The following LRRC46 variants were observed in gnomAD, a reference collection of about 807,000 sequenced individuals.
The protein encoded by LRRC46 is leucine-rich repeat-containing protein 46.
LRRC46 carries 20 observed loss-of-function variants against 28.0 expected under a neutral mutation model. The ratio of observed to expected loss-of-function variants is 0.71; its 90% CI spans 0.50 to 1.04. The LOEUF (loss-of-function observed/expected upper bound fraction) is 1.04, where lower values mean the gene tolerates loss of function less well. LRRC46 is among the 50% of genes least tolerant of loss of function. The probability of loss-of-function intolerance (pLI) is 0.00; values close to 1 mark genes in which losing one functional copy is unlikely to be tolerated. For missense variants in LRRC46, 315 were observed against 390.1 expected, an observed-to-expected ratio of 0.81 and a Z score of 1.62; for synonymous variants, 156 against 158.8, an observed-to-expected ratio of 0.98 and a Z score of 0.13.
At position 47,835,774 on chromosome 17, in the gene LRRC46, G is replaced by T; in HGVS notation, c.381G>T (p.Leu127=). Residue 127 remains leucine (L), a splice_region_variant and synonymous_variant, in exon 5 of 8, where the codon CTG becomes CTT. Transcript: ENST00000269025. ...AGAACCTGATAGAAACATTGAAGCT[G>T]GGTAGGAACCCACTCGCCCTGGCTC... ...LSENLIETLK[L]DEFPQSLLIL... The T allele has an allele frequency of 6.2e-7, 1 of 1,613,624 alleles. No individual in the cohort carries two copies. Among genetic ancestry groups the T allele is most frequent in the Non-Finnish European group, 8.5e-7 (1 of 1,179,518 alleles).
chr17:47,831,897 C>A lies in LRRC46; in HGVS notation c.-93C>A. ...TAAGTCTCTGAGTTTCTCTCTCCTC[C>A]TGCCATCCTGAGTTCTGCCATCCTT... On this transcript the variant is annotated 5_prime_UTR_variant, in exon 1 of 8. It adds an upstream start codon to the 5' untranslated region. Coordinates refer to ENST00000269025, the MANE Select transcript of LRRC46 (RefSeq NM_033413.4). 6.5e-7 allele frequency: 1 copy of A among 1,542,698 alleles called. No homozygotes were observed. The highest frequency in any genetic ancestry group is 1.1e-5 in the South Asian group (1 of 88,694).
chr17:47,833,327 A>ATTCTTTCTTTCTTTCTTTCTTTCT (rs368178077), intron 2 of LRRC46, among the ~76,000 whole-genome samples: 1 of 149,740 alleles, frequency 6.7e-6, no homozygotes, highest in African/African-American at 2.5e-5. Context: ...GTTTGGCCTT[A>ATTCTTTCTTTCTTTCTTTCTTTCT]TTCTTTCTTT....
rs530850345 is a variant in LRRC46, at chr17:47,837,465, C to T, written c.*345C>T. 1.2e-4 allele frequency: 47 copies of T among 405,016 alleles called. No individual in the cohort carries two copies. The highest frequency in any genetic ancestry group is 2.0e-4 in the Non-Finnish European group (46 of 226,544). The allele number at this position is 405,016 out of a possible 1,614,324, so 25.1% of individuals were successfully genotyped here. On this transcript the variant is annotated 3_prime_UTR_variant, in exon 8 of 8. Coordinates refer to ENST00000269025, the MANE Select transcript of LRRC46 (RefSeq NM_033413.4). ...CATGCCATCTCACTGCCACCCCTAG[C>T]GAGTGCCCTTCCCCGGTCCAAGCCA...
chr17:47,833,699 A>C (rs8074177), intron 2 of LRRC46, among the ~76,000 whole-genome samples: 1 of 148,564 alleles, frequency 6.7e-6, no homozygotes, highest in Admixed American at 6.7e-5. Context: ...CAATCCACCC[A>C]CCTCGACCTC....
chr17:47,835,232 A>G (rs751021475), intron 3 of LRRC46, 121 bp from the exon 4 acceptor site: 3 of 1,004,682 alleles, frequency 3.0e-6, no homozygotes, highest in Non-Finnish European at 4.8e-6. Context: ...TGGGGTGATC[A>G]TTCCCAAAGT....
rs1381677224 is a variant in LRRC46 at position 47,834,894 on chromosome 17, T to G, written c.225+361T>G. ...CATCATTCAGATCCTACTTGAAGGCTGTTTGGTGGTGGTGGTGGTGGTTGG... is the reference window on the plus strand; with the variant it reads ...CATCATTCAGATCCTACTTGAAGGCGGTTTGGTGGTGGTGGTGGTGGTTGG... On this transcript the variant is annotated intron_variant, in intron 3 of 7. Transcript: ENST00000269025. 1.3e-5 allele frequency: 3 copies of G among 226,070 alleles called. No homozygotes were observed. The East Asian group carries it at 3.4e-4, about 26-fold the overall frequency. 14.0% of individuals were successfully genotyped at this position (226,070 alleles called of 1,614,324 possible).
intron 3 of LRRC46, 172 bp from the exon 4 acceptor site, chr17:47,835,180 GA>G: frequency 1.3e-6 from 1 of 740,770 alleles, no homozygotes. Flanking sequence ...CATGGGGAAA[GA>G]AAATCATCTT....
In LRRC46 at chr17:47,836,525, C is replaced by G; in HGVS notation, c.595+50C>G. The G allele has an allele frequency of 6.3e-7, 1 of 1,596,978 alleles. No individual in the cohort carries two copies. The highest frequency in any genetic ancestry group is 8.5e-7 in the Non-Finnish European group (1 of 1,170,594). ...AGCCTCCCCAGAGCCCACCTCTGCC[C>G]TGTGGGACATGAGGGAAGCTAAGGT... On this transcript the variant is annotated intron_variant, in intron 7 of 7. Transcript: ENST00000269025. The surrounding 1 kb of genome is among the most constrained non-coding windows in gnomAD (Gnocchi z 5.8).
chr17:47,832,057 C>T (rs758422925), intron 1 of LRRC46, 43 bp from the exon 2 acceptor site: 1 of 1,613,826 alleles, frequency 6.2e-7, no homozygotes, highest in East Asian at 2.2e-5. Context: ...GGTAAGGCCT[C>T]CAAGAGTGAG....
intron 3 of LRRC46, 91 bp downstream of exon 3, chr17:47,834,624 T>C (rs1007295462): frequency 5.3e-6 from 4 of 758,072 alleles, no homozygotes; most frequent in Non-Finnish European, 9.0e-6. Context: ...ATCCTGCCCA[T>C]TCCCTGGTGT....
chr17:47,834,613 C>T, intron 3 of LRRC46, 80 bp downstream of exon 3: 1 of 851,604 alleles, frequency 1.2e-6, no homozygotes, highest in Non-Finnish European at 1.9e-6. Flanking sequence ...CCAACCAGGT[C>T]ATCCTGCCCA....
chr17:47,831,684 C>G lies in LRRC46; in HGVS notation c.-306C>G. 1.5e-6 allele frequency: 1 copy of G among 681,262 alleles called. No individual in the cohort carries two copies. Among genetic ancestry groups the G allele is most frequent in the East Asian group, 2.7e-5 (1 of 36,742 alleles). 42.2% of individuals were successfully genotyped at this position (681,262 alleles called of 1,614,324 possible). On this transcript the variant is annotated 5_prime_UTR_variant, in exon 1 of 8. Transcript: ENST00000269025. The stretch of plus-strand genomic sequence containing the variant: ...TTTACCTCCCCACTCGGCGTCCAGT[C>G]TCTTAGCAACGACTCCGGCTTCCTA...
chr17:47,836,251 G>A lies in LRRC46; in HGVS notation c.453-82G>A. 2.5e-6 allele frequency: 4 copies of A among 1,594,262 alleles called. No homozygotes were observed. Among genetic ancestry groups the A allele is most frequent in the Non-Finnish European group, 2.6e-6 (3 of 1,166,906 alleles). On this transcript the variant is annotated intron_variant, in intron 6 of 7. Coordinates refer to ENST00000269025, the MANE Select transcript of LRRC46 (RefSeq NM_033413.4). This position sits in a 1 kb window ranked among gnomAD's most constrained non-coding sequence, Gnocchi z 5.8. Reference sequence around the variant, plus strand: ...AGCTCATGAGCCACCACCCCTCCGGGTGTGAGTGCTGTGGTGCGTGTCTTT... The same window carrying A: ...AGCTCATGAGCCACCACCCCTCCGGATGTGAGTGCTGTGGTGCGTGTCTTT...
rs142634971 is a variant in LRRC46 at position 47,837,418 on chromosome 17, G to A, written c.*298G>A. The stretch of plus-strand genomic sequence containing the variant: ...CCTGGCTCCCACTTGGGCAGGAAGC[G>A]GGCACCACCTCATGGAAGAGGCATG... On this transcript the variant is annotated 3_prime_UTR_variant, in exon 8 of 8. Transcript: ENST00000269025. The A allele has an allele frequency of 8.7e-4, 384 of 441,820 alleles. 1 individual carries two copies. The highest frequency in any genetic ancestry group is 3.8e-3 in the South Asian group (137 of 35,688). The allele number at this position is 441,820 out of a possible 1,614,324, so 27.4% of individuals were successfully genotyped here. A position where few individuals can be genotyped will look rare whatever the true frequency, so the allele number is the denominator to read the frequency against.
rs1478169693 is a variant in LRRC46 at position 47,836,480 on chromosome 17, C to A, written c.595+5C>A. The A allele has an allele frequency of 6.2e-7, 1 of 1,613,492 alleles. No individual in the cohort carries two copies. On this transcript the variant is annotated splice_donor_5th_base_variant and intron_variant, in intron 7 of 7. Coordinates refer to ENST00000269025, the MANE Select transcript of LRRC46 (RefSeq NM_033413.4). The surrounding 1 kb of genome is among the most constrained non-coding windows in gnomAD (Gnocchi z 5.8). ...GCCCATTCTGCTCAGAACGAGGTGACCCTGCTTTCCAAGGTTTTCAGCCTC... is the reference window on the plus strand; with the variant it reads ...GCCCATTCTGCTCAGAACGAGGTGAACCTGCTTTCCAAGGTTTTCAGCCTC...
Position 47,831,893 on chromosome 17 carries a change from C to T in LRRC46, c.-97C>T. ...CTCCTAAGTCTCTGAGTTTCTCTCTCCTCCTGCCATCCTGAGTTCTGCCAT... is the reference window on the plus strand; with the variant it reads ...CTCCTAAGTCTCTGAGTTTCTCTCTTCTCCTGCCATCCTGAGTTCTGCCAT... On this transcript the variant is annotated 5_prime_UTR_variant, in exon 1 of 8. Transcript: ENST00000269025. The T allele has an allele frequency of 6.6e-7, 1 of 1,526,082 alleles. No individual in the cohort carries two copies. The highest frequency in any genetic ancestry group is 9.0e-7 in the Non-Finnish European group (1 of 1,105,988). The allele number at this position is 1,526,082 out of a possible 1,614,324, so 94.5% of individuals were successfully genotyped here. A position where few individuals can be genotyped will look rare whatever the true frequency, so the allele number is the denominator to read the frequency against.
intron 2 of LRRC46, among the ~76,000 whole-genome samples, chr17:47,832,476 C>T (rs1567952686): frequency 6.6e-6 from 1 of 152,118 alleles, no homozygotes; most frequent in South Asian, 2.1e-4. Flanking sequence ...TCACTTGAGC[C>T]CAGGAGTTTG....
chr17:47,837,193 CAG>C lies in LRRC46; in HGVS notation c.*75_*76del. 1.3e-6 allele frequency: 2 copies of C among 1,560,134 alleles called. No individual in the cohort carries two copies. The highest frequency in any genetic ancestry group is 2.4e-5 in the South Asian group (2 of 83,000). The stretch of plus-strand genomic sequence containing the variant: ...CTCTTCTCAGACCTCTGACCTGTGA[CAG>C]AAGCCCATCCCCAGTAAAGTGTCTC... On this transcript the variant is annotated 3_prime_UTR_variant, in exon 8 of 8. Coordinates refer to ENST00000269025, the MANE Select transcript of LRRC46 (RefSeq NM_033413.4).
At position 47,832,166 on chromosome 17, in the gene LRRC46, AC is replaced by A; in HGVS notation, c.78del (p.Leu27Ter). 6.2e-7 allele frequency: 1 copy of A among 1,602,926 alleles called. No homozygotes were observed. Among genetic ancestry groups the A allele is most frequent in the Non-Finnish European group, 8.5e-7 (1 of 1,173,192 alleles). ...ACTGAAGCCCTTATCACTAAGCGGA[AC>A]TTGACTTTCCCTGAAGATGGGGAAC... ...CITEALITKRNLTFPEDGELS... is the reference protein window; with the variant it reads ...CITEALITKRXLTFPEDGELS... On this transcript the variant is annotated frameshift_variant, in exon 2 of 8. Transcript: ENST00000269025. LOFTEE classifies it high-confidence loss of function.
Sources: gnomAD v4.1 joint callset for allele counts (sites outside exome capture counted in the v4.1 genomes callset) on GRCh38, gnomAD v4.1.1 for gene constraint, Gnocchi (gnomAD v3.1) non-coding constraint, MANE v1.5 for transcripts, NCBI Gene and HGNC (gene_info 2026-07-23, HGNC 2026-07-21) for gene names.